Variants in ANKRD30BL observed in about 807,000 individuals in gnomAD.
The protein encoded by ANKRD30BL is putative ankyrin repeat domain-containing protein 30B-like.
A neutral mutation model predicts 18.4 loss-of-function variants in ANKRD30BL; 20 were observed. The observed-to-expected ratio is 1.09, with a 90% CI of 0.77 to 1.58. ANKRD30BL has a LOEUF of 1.58. Among genes scored for constraint, ANKRD30BL ranks in the 40% most tolerant of loss-of-function variants. The pLI is 0.00. For missense variants in ANKRD30BL, 224 were observed against 268.6 expected (o/e 0.83, Z 1.16); for synonymous variants, 72 against 100.9 (o/e 0.71, Z 1.72).
intron 1 of ANKRD30BL, among the ~76,000 whole-genome samples, chr2:132,190,092 C>T (rs1233753876): frequency 1.3e-5 from 2 of 151,976 alleles, no homozygotes; most frequent in Non-Finnish European, 1.5e-5. Flanking sequence ...CACACAGTTG[C>T]TGTAGGATTT....
chr2:132,154,915 T>C, intron 3 of ANKRD30BL, 147 bp from the exon 4 acceptor site: 1 of 485,294 alleles, frequency 2.1e-6, no homozygotes, highest in East Asian at 3.3e-5. Context: ...TGCTTTCCCA[T>C]GCACTGCACC....
Position 132,198,267 on chromosome 2 carries a change from CTTTT to C in ANKRD30BL, n.442-41125_442-41122del, listed in dbSNP as rs1558928422. 1.2e-4 allele frequency among the ~76,000 whole-genome samples: 15 copies of C among 128,690 alleles called. 1 individual carries two copies. The highest frequency in any genetic ancestry group is 4.3e-4 in the African/African-American group (12 of 27,650). The allele number at this position is 128,690 out of a possible 152,430, so 84.4% of individuals were successfully genotyped here. On this transcript the variant is annotated intron_variant and non_coding_transcript_variant, in intron 1 of 4. Transcript: ENST00000470729. ...ATAATTTACTATACCTTCTTTCTTT[CTTTT>C]CTTTCTTTCTTTCTTTCTTTCTTTC...
intron 1 of ANKRD30BL, among the ~76,000 whole-genome samples, chr2:132,240,465 G>A (rs1194885806): frequency 7.2e-5 from 11 of 151,754 alleles, no homozygotes. Context: ...AACGCTTTGA[G>A]GCCCATGGTG....
chr2:132,252,279 A>G (rs1049103310), intron 1 of ANKRD30BL, among the ~76,000 whole-genome samples: 6 of 152,224 alleles, frequency 3.9e-5, no homozygotes, highest in African/African-American at 7.2e-5. Context: ...GTTACATGAG[A>G]TTGCCTACAT....
intron 1 of ANKRD30BL, among the ~76,000 whole-genome samples, chr2:132,232,876 A>G (rs1011782718): frequency 6.6e-6 from 1 of 152,058 alleles, no homozygotes; most frequent in Non-Finnish European, 1.5e-5. Flanking sequence ...TCCAAGACAC[A>G]TAATTGTCAG....
At chr2:132,178,337 G>C (rs1333071831) in intron 1 of ANKRD30BL, among the ~76,000 whole-genome samples, 3 of 152,142 alleles carry the variant, frequency 2.0e-5, no homozygotes, top group Non-Finnish European at 4.4e-5. Flanking sequence ...TTCCAATAAA[G>C]GTTCAGGGAC....
intron 1 of ANKRD30BL, among the ~76,000 whole-genome samples, chr2:132,167,325 AT>A (rs1373191192): frequency 8.6e-6 from 1 of 116,830 alleles, no homozygotes; most frequent in Non-Finnish European, 1.8e-5. Context: ...ATTTTATTTT[AT>A]TTTATTTTAT....
At chr2:132,167,137 T>C (rs1688200025) in intron 1 of ANKRD30BL, among the ~76,000 whole-genome samples, 1 of 151,596 alleles carries the variant, frequency 6.6e-6, no homozygotes, top group East Asian at 1.9e-4. Flanking sequence ...TCTGAGTGTG[T>C]ACTTTGTATG....
chr2:132,158,995 T>C (rs1485458445), intron 1 of ANKRD30BL, among the ~76,000 whole-genome samples: 1 of 152,018 alleles, frequency 6.6e-6, no homozygotes, highest in Non-Finnish European at 1.5e-5. Flanking sequence ...TTTTCATTAA[T>C]AATAAACTTT....
chr2:132,152,638 G>A (rs1457091746), intron 4 of ANKRD30BL: 1 of 152,120 alleles, frequency 6.6e-6, no homozygotes, highest in African/African-American at 2.4e-5. Context: ...CCTACAAAAT[G>A]GTGCTACACA....
At chr2:132,188,852 C>T (rs1339614385) in intron 1 of ANKRD30BL, among the ~76,000 whole-genome samples, 1 of 152,148 alleles carries the variant, frequency 6.6e-6, no homozygotes, top group Non-Finnish European at 1.5e-5. Context: ...AAGATTGGTT[C>T]TACTACATAC....
chr2:132,242,188 C>A (rs865967551), intron 1 of ANKRD30BL, among the ~76,000 whole-genome samples: 1 of 151,290 alleles, frequency 6.6e-6, no homozygotes, highest in African/African-American at 2.4e-5. Context: ...TCGTTGGAAA[C>A]GGGAATACCT....
At chr2:132,224,043 T>G (rs563610676) in intron 1 of ANKRD30BL, among the ~76,000 whole-genome samples, 1 of 152,108 alleles carries the variant, frequency 6.6e-6, no homozygotes, top group African/African-American at 2.4e-5. Context: ...GAACCTTTCT[T>G]TTGATAGGGC....
intron 1 of ANKRD30BL, among the ~76,000 whole-genome samples, chr2:132,234,274 T>G (rs201469035): frequency 3.0e-4 from 45 of 151,624 alleles, no homozygotes; most frequent in African/African-American, 5.3e-4. Flanking sequence ...ACAATTAAAA[T>G]AACTAGAAAA....
chr2:132,187,476 G>A lies in ANKRD30BL; in HGVS notation n.442-30330C>T, dbSNP rs370212676. On this transcript the variant is annotated intron_variant and non_coding_transcript_variant, in intron 1 of 4. Transcript: ENST00000470729. ...ACCACAGGCGCCCGCCACCACGCCC[G>A]GCTAATTTTTTGTATTTTTAGTAGA... Among the ~76,000 whole-genome samples the A allele has an allele frequency of 5.5e-3, 835 of 151,588 alleles. 4 individuals are homozygous for A. Among genetic ancestry groups the A allele is most frequent in the South Asian group, 0.015 (72 of 4,774 alleles).
At chr2:132,198,545 C>G (rs912396387) in intron 1 of ANKRD30BL, among the ~76,000 whole-genome samples, 3 of 151,596 alleles carry the variant, frequency 2.0e-5, no homozygotes, top group Admixed American at 6.6e-5. Context: ...GGATGGTCTC[C>G]ATCTCCTGAC....
intron 1 of ANKRD30BL, among the ~76,000 whole-genome samples, chr2:132,256,084 A>G (rs113330319): frequency 6.6e-6 from 1 of 152,228 alleles, no homozygotes; most frequent in African/African-American, 2.4e-5. Flanking sequence ...CAAAAGAACC[A>G]TAACTGATTT....
upstream of ANKRD30BL, among the ~76,000 whole-genome samples, chr2:132,166,037 A>G (rs1688182208): frequency 6.6e-6 from 1 of 152,138 alleles, no homozygotes; most frequent in African/African-American, 2.4e-5. Context: ...GATGGGTGAT[A>G]GATTTTGCCA....
chr2:132,191,903 G>A (rs1678859511), intron 1 of ANKRD30BL, among the ~76,000 whole-genome samples: 1 of 151,786 alleles, frequency 6.6e-6, no homozygotes, highest in Non-Finnish European at 1.5e-5. Flanking sequence ...CACCACGCCT[G>A]GCTAATTTTT....
Sources: gnomAD v4.1 joint callset for allele counts (sites outside exome capture counted in the v4.1 genomes callset) on GRCh38, gnomAD v4.1.1 for gene constraint, MANE v1.5 for transcripts, NCBI Gene and HGNC (gene_info 2026-07-23, HGNC 2026-07-21) for gene names.